Variants in SLC9A9 observed in about 807,000 individuals in gnomAD.
SLC9A9 encodes solute carrier family 9 member A9.
In SLC9A9, 62 loss-of-function variants were observed where a neutral mutation model predicts 77.8. That is an observed-to-expected ratio of 0.80 (90% confidence interval 0.65 to 0.98). The LOEUF is 0.98. Ranked by LOEUF, SLC9A9 falls within the 50% of genes least tolerant of loss-of-function variation. SLC9A9 has a pLI of 0.00. For missense variants in SLC9A9, 775 were observed against 774.9 expected (o/e 1.00, Z 0.00); for synonymous variants, 320 against 283.5 (o/e 1.13, Z -1.29).
intron 4 of SLC9A9, among the ~76,000 whole-genome samples, chr3:143,715,402 C>T (rs1159679253): frequency 1.3e-5 from 2 of 152,094 alleles, no homozygotes; most frequent in Non-Finnish European, 2.9e-5. Flanking sequence ...ACATTTTTTG[C>T]CTTACCCTGC....
chr3:143,795,633 G>A (rs1320783496), intron 3 of SLC9A9, among the ~76,000 whole-genome samples: 4 of 152,216 alleles, frequency 2.6e-5, no homozygotes, highest in Admixed American at 2.0e-4. Context: ...TTGGGAGGCT[G>A]AAGGAAGATT....
intron 2 of SLC9A9, among the ~76,000 whole-genome samples, chr3:143,827,874 G>C (rs184488585): frequency 7.4e-4 from 113 of 152,232 alleles, no homozygotes; most frequent in African/African-American, 2.6e-3. Context: ...CACACTAATG[G>C]CTTCTGTGAC....
At chr3:143,270,859 C>T (rs892659227) in intron 14 of SLC9A9, among the ~76,000 whole-genome samples, 1 of 152,180 alleles carries the variant, frequency 6.6e-6, no homozygotes, top group African/African-American at 2.4e-5. Context: ...TAAATCTATG[C>T]GTAGTAGTGC....
At chr3:143,392,941 T>A (rs913889934) in intron 12 of SLC9A9, among the ~76,000 whole-genome samples, 8 of 152,160 alleles carry the variant, frequency 5.3e-5, no homozygotes, top group African/African-American at 1.4e-4. Flanking sequence ...CCCAGATTCA[T>A]AAAGCAAGTC....
chr3:143,315,154 A>G (rs753086364), intron 14 of SLC9A9, among the ~76,000 whole-genome samples: 6 of 152,234 alleles, frequency 3.9e-5, no homozygotes, highest in Non-Finnish European at 8.8e-5. Flanking sequence ...CAAACAAAGA[A>G]CATCAGTTTT....
intron 11 of SLC9A9, among the ~76,000 whole-genome samples, chr3:143,481,957 C>T (rs2035582259): frequency 6.6e-6 from 1 of 152,148 alleles, no homozygotes; most frequent in African/African-American, 2.4e-5. Context: ...TTGATGTCTG[C>T]TGGATAAGGT....
At chr3:143,840,602 G>A (rs535189213) in intron 1 of SLC9A9, among the ~76,000 whole-genome samples, 4 of 152,220 alleles carry the variant, frequency 2.6e-5, no homozygotes, top group Non-Finnish European at 5.9e-5. Context: ...TAATATGGAT[G>A]TATTTTCATA....
At chr3:143,492,856 T>C (rs961100526) in intron 11 of SLC9A9, among the ~76,000 whole-genome samples, 17 of 152,242 alleles carry the variant, frequency 1.1e-4, no homozygotes, top group Non-Finnish European at 2.9e-5. Flanking sequence ...AATAACTGCC[T>C]CTGAGTACAT....
chr3:143,742,477 T>C (rs1223812391), intron 4 of SLC9A9, among the ~76,000 whole-genome samples: 3 of 152,210 alleles, frequency 2.0e-5, no homozygotes, highest in Non-Finnish European at 4.4e-5. Flanking sequence ...AACCCCAGTC[T>C]AATCATGAAA....
chr3:143,632,023 G>A (rs1054178630), intron 6 of SLC9A9, among the ~76,000 whole-genome samples: 1 of 152,110 alleles, frequency 6.6e-6, no homozygotes, highest in Non-Finnish European at 1.5e-5. Context: ...GAGATCATCA[G>A]ATCTAAGCAG....
chr3:143,518,770 T>C (rs2036245979), intron 9 of SLC9A9, among the ~76,000 whole-genome samples: 2 of 152,262 alleles, frequency 1.3e-5, no homozygotes, highest in South Asian at 2.1e-4. Flanking sequence ...TGTTTCCACA[T>C]ATCTATTCTA....
intron 14 of SLC9A9, among the ~76,000 whole-genome samples, chr3:143,290,845 G>A (rs567239305): frequency 6.6e-6 from 1 of 152,270 alleles, no homozygotes; most frequent in South Asian, 2.1e-4. Flanking sequence ...GTATCTCCCA[G>A]ACTTCATGTA....
At chr3:143,794,625 T>C (rs1156411834) in intron 4 of SLC9A9, among the ~76,000 whole-genome samples, 2 of 152,202 alleles carry the variant, frequency 1.3e-5, no homozygotes, top group African/African-American at 4.8e-5. Context: ...GGCATATAGT[T>C]ACTTTTGCAC....
intron 2 of SLC9A9, among the ~76,000 whole-genome samples, chr3:143,809,048 T>C (rs2008797137): frequency 6.6e-6 from 1 of 152,248 alleles, no homozygotes; most frequent in Non-Finnish European, 1.5e-5. Context: ...ACACCATTAT[T>C]GATCTATTTT....
rs144030594 is a variant in SLC9A9, at chr3:143,410,646, C to T, written c.1470-28532G>A. On this transcript the variant is annotated intron_variant, in intron 12 of 15. Transcript: ENST00000316549. ...TTCTACCCTTTATCTTAGGGCATTG[C>T]TGCCAGAATTGTCTTCTTTTGCACT... Among the ~76,000 whole-genome samples the T allele has an allele frequency of 5.9e-3, 904 of 152,306 alleles. 9 individuals carry two copies. The highest frequency in any genetic ancestry group is 0.02 in the African/African-American group (841 of 41,590).
At chr3:143,468,426 C>G (rs2035321384) in intron 11 of SLC9A9, among the ~76,000 whole-genome samples, 1 of 152,066 alleles carries the variant, frequency 6.6e-6, no homozygotes, top group African/African-American at 2.4e-5. Flanking sequence ...GTACTTTGTT[C>G]CATTGATCTA....
At chr3:143,450,481 T>C (rs905993011) in intron 12 of SLC9A9, among the ~76,000 whole-genome samples, 3 of 151,886 alleles carry the variant, frequency 2.0e-5, no homozygotes, top group African/African-American at 7.2e-5. Context: ...TAATTATCTC[T>C]GTGTGAAAGG....
At position 143,493,740 on chromosome 3, in the gene SLC9A9, A is replaced by C; in HGVS notation, c.1228T>G (p.Cys410Gly). Reference protein sequence around the residue: ...AFLAIFVARACNIYPLSFLLN... With the variant: ...AFLAIFVARAGNIYPLSFLLN... ...AGGAAGGAGAGGGGATATATGTTGC[A>C]GGCTCTGGCAACAAAAATTGCTAGC... The change falls in exon 11 of 16, where the codon TGC becomes GGC. Residue 410 changes from cysteine (C) to glycine (G), a missense_variant. By Grantham distance (159) the Cys-to-Gly change is radical. Coordinates refer to ENST00000316549, the MANE Select transcript of SLC9A9 (RefSeq NM_173653.4). The C allele has an allele frequency of 6.2e-7, 1 of 1,614,046 alleles. No individual in the cohort carries two copies. Among genetic ancestry groups the C allele is most frequent in the South Asian group, 1.1e-5 (1 of 91,084 alleles).
chr3:143,504,626 T>A (rs542465175), intron 9 of SLC9A9, among the ~76,000 whole-genome samples: 187 of 152,322 alleles, frequency 1.2e-3, no homozygotes, highest in Non-Finnish European at 2.3e-3. Flanking sequence ...ATATCAATAT[T>A]ACTACTTCTA....
Sources: allele counts gnomAD v4.1 joint callset (sites outside exome capture counted in the v4.1 genomes callset), GRCh38; gene constraint gnomAD v4.1.1; transcripts MANE v1.5; gene names NCBI Gene and HGNC (gene_info 2026-07-23, HGNC 2026-07-21).